Variants in ATG4B observed in about 807,000 individuals in gnomAD.
ATG4B encodes autophagy related 4B cysteine peptidase, also known as cysteine protease ATG4B.
Under a neutral mutation model 56.6 loss-of-function variants are expected in ATG4B, and 29 were observed. The observed-to-expected ratio is 0.51, with a 90% CI of 0.38 to 0.70. The LOEUF (loss-of-function observed/expected upper bound fraction) is 0.70. Among genes scored for constraint, ATG4B ranks in the 30% least tolerant of loss-of-function variants. The pLI, the probability that ATG4B is intolerant of heterozygous loss-of-function variation, is 0.00. For missense variants in ATG4B, 461 were observed against 515.5 expected (o/e 0.89, Z 1.02); for synonymous variants, 224 against 206.1 (o/e 1.09, Z -0.74).
chr2:241,668,513 A>G lies in ATG4B; in HGVS notation c.812-27A>G, dbSNP rs1422992041. ...CTTTCCTCTGCCGGCTCGGCCACCC[A>G]CCTGCCCACCTGCCTCATCCTCCCA... On this transcript the variant is annotated intron_variant, in intron 9 of 12. Coordinates refer to ENST00000404914, the MANE Select transcript of ATG4B (RefSeq NM_013325.5). The surrounding 1 kb of genome is among the most constrained non-coding windows in gnomAD (Gnocchi z 4.2). The G allele has an allele frequency of 3.8e-6, 6 of 1,599,538 alleles. No individual in the cohort carries two copies. Among genetic ancestry groups the G allele is most frequent in the East Asian group, 4.5e-5 (2 of 44,348 alleles).
intron 7 of ATG4B, among the ~76,000 whole-genome samples, chr2:241,665,424 G>A (rs1005490658): frequency 1.3e-5 from 2 of 152,230 alleles, no homozygotes; most frequent in Non-Finnish European, 2.9e-5. Flanking sequence ...TTGAGGGTCC[G>A]GTGCTGTGTG....
At chr2:241,637,947 C>T (rs1246683129) in intron 1 of ATG4B, among the ~76,000 whole-genome samples, 1 of 151,556 alleles carries the variant, frequency 6.6e-6, no homozygotes, top group African/African-American at 2.4e-5. Flanking sequence ...AACCCGCCGT[C>T]GGTTGCGCTG....
rs1297451770 is a variant in ATG4B at position 241,651,275 on chromosome 2, A to T, written c.124A>T (p.Ile42Phe). The T allele has an allele frequency of 1.9e-6, 3 of 1,600,536 alleles. No homozygotes were observed. The highest frequency in any genetic ancestry group is 1.3e-5 in the African/African-American group (1 of 74,822). Reference protein sequence around the residue: ...KYSIFTEKDEILSDVASRLWF... With the variant: ...KYSIFTEKDEFLSDVASRLWF... ...TAAACAACCTCTAGAAAAGGACGAG[A>T]TCTTGTCTGATGTGGCATCTAGACT... Residue 42 changes from isoleucine to phenylalanine, a missense_variant, in exon 3 of 13, where the codon ATC becomes TTC. Ile to Phe is a conservative substitution (Grantham distance 21, BLOSUM62 0). Transcript: ENST00000404914. This position sits in a 1 kb window ranked among gnomAD's most constrained non-coding sequence, Gnocchi z 4.1.
intron 1 of ATG4B, among the ~76,000 whole-genome samples, chr2:241,650,250 G>C (rs2068189254): frequency 6.6e-6 from 1 of 152,204 alleles, no homozygotes; most frequent in African/African-American, 2.4e-5. Flanking sequence ...AATGAAAACA[G>C]GTTCAGTCCT....
At chr2:241,657,142 A>G (rs1028951755) in intron 6 of ATG4B, among the ~76,000 whole-genome samples, 8 of 147,180 alleles carry the variant, frequency 5.4e-5, no homozygotes, top group African/African-American at 2.0e-4. Context: ...TGCCCAGCTA[A>G]TTTTTTCAAT....
intron 8 of ATG4B, among the ~76,000 whole-genome samples, chr2:241,667,190 C>T (rs975391191): frequency 6.6e-6 from 1 of 152,186 alleles, no homozygotes; most frequent in East Asian, 1.9e-4. Context: ...TCCCCCACAG[C>T]CCTCTTGGCC....
chr2:241,650,363 T>G (rs890804798), intron 1 of ATG4B, among the ~76,000 whole-genome samples: 6 of 152,124 alleles, frequency 3.9e-5, no homozygotes, highest in African/African-American at 1.4e-4. Flanking sequence ...TAGCACCCCA[T>G]GCTTCTCCAG....
chr2:241,671,154 G>C (rs1049171464), intron 11 of ATG4B, among the ~76,000 whole-genome samples, 158 bp from the exon 12 acceptor site: 1 of 152,222 alleles, frequency 6.6e-6, no homozygotes, highest in African/African-American at 2.4e-5. Flanking sequence ...CACCACACTG[G>C]GTTCTCGTGT....
chr2:241,639,641 G>T (rs1249153020), intron 1 of ATG4B, among the ~76,000 whole-genome samples: 1 of 152,234 alleles, frequency 6.6e-6, no homozygotes, highest in Non-Finnish European at 1.5e-5. Flanking sequence ...CCCCTCAGCA[G>T]AGAGGGGACT....
chr2:241,646,085 T>C (rs562756844), intron 1 of ATG4B, among the ~76,000 whole-genome samples: 8 of 152,330 alleles, frequency 5.3e-5, no homozygotes, highest in African/African-American at 1.9e-4. Flanking sequence ...TTCACAGTTA[T>C]AGCTGGAGGT....
chr2:241,659,659 C>A (rs35263340), intron 7 of ATG4B: 1 of 289,598 alleles, frequency 3.5e-6, no homozygotes, highest in Non-Finnish European at 6.8e-6. Flanking sequence ...GGCGTGGCAA[C>A]ATTTACATCT....
chr2:241,643,485 G>A (rs888496091), intron 1 of ATG4B, among the ~76,000 whole-genome samples: 1 of 150,784 alleles, frequency 6.6e-6, no homozygotes, highest in African/African-American at 2.4e-5. Flanking sequence ...GGGATTACAG[G>A]CATGAGCCAC....
At chr2:241,649,569 A>G (rs2068167026) in intron 1 of ATG4B, among the ~76,000 whole-genome samples, 3 of 152,322 alleles carry the variant, frequency 2.0e-5, no homozygotes, top group Non-Finnish European at 4.4e-5. Context: ...AGTTCCCTGA[A>G]GAGCAGCTGG....
Position 241,668,598 on chromosome 2 carries a change from T to C in ATG4B, c.870T>C (p.Asp290=), listed in dbSNP as rs1301177887. The change falls in exon 10 of 13, where the codon GAT becomes GAC. Residue 290 remains aspartate, a synonymous_variant. Transcript: ENST00000404914. The surrounding 1 kb of genome is among the most constrained non-coding windows in gnomAD (Gnocchi z 4.2). ...CGCAGCCAGCCGTGGAGCCCACTGA[T>C]GGCTGCTTCATCCCGGACGAGAGCT... ...HTTQPAVEPT[D]GCFIPDESFH... 6.2e-7 allele frequency: 1 copy of C among 1,604,410 alleles called. No individual in the cohort carries two copies. The highest frequency in any genetic ancestry group is 1.1e-5 in the South Asian group (1 of 89,408).
intron 1 of ATG4B, among the ~76,000 whole-genome samples, chr2:241,642,969 G>A (rs148446888): frequency 2.2e-5 from 3 of 139,288 alleles, no homozygotes; most frequent in Non-Finnish European, 3.0e-5. Context: ...TGCAGCCTTC[G>A]CCTCCTGGGT....
chr2:241,649,124 C>T (rs1227849526), intron 1 of ATG4B, among the ~76,000 whole-genome samples: 1 of 152,190 alleles, frequency 6.6e-6, no homozygotes, highest in Non-Finnish European at 1.5e-5. Flanking sequence ...TACAGTTTAC[C>T]AGTACCCAAG....
At position 241,671,829 on chromosome 2, in the gene ATG4B, G is replaced by C. The variant is rs534413815; in HGVS notation, c.1109-362G>C. 7 of 1,275,160 alleles carry C rather than the reference G, an allele frequency of 5.5e-6. No individual in the cohort carries two copies. In the South Asian group the frequency reaches 8.4e-5, roughly 15 times the overall value. 79.0% of individuals were successfully genotyped at this position (1,275,160 alleles called of 1,614,324 possible). On this transcript the variant is annotated intron_variant, in intron 12 of 12. Transcript: ENST00000404914. ...CCGGCCTGGGCTCGTGCAGTGAAGT[G>C]AGTGGCCGTGAGCGCGTCCTCCTCA...
In ATG4B at chr2:241,666,701, T is replaced by C. The variant is rs2068786885; in HGVS notation, c.595T>C (p.Ser199Pro). 1.1e-5 allele frequency: 17 copies of C among 1,613,184 alleles called. No individual in the cohort carries two copies. Among genetic ancestry groups the C allele is most frequent in the Non-Finnish European group, 1.4e-5 (17 of 1,179,658 alleles). ...CAGATAFPAD[S>P]DRHCNGFPAG... ...AGGCGCCACTGCGTTTCCTGCAGAT[T>C]CCGACCGGCACTGCAACGGATTCCC... Residue 199 changes from serine (S) to proline (P), a missense_variant, in exon 8 of 13, where the codon TCC (serine) becomes CCC (proline). Ser to Pro is a moderately conservative substitution (Grantham distance 74). Transcript: ENST00000404914.
intron 10 of ATG4B, among the ~76,000 whole-genome samples, chr2:241,670,118 T>A (rs2068915319): frequency 6.6e-6 from 1 of 152,198 alleles, no homozygotes; most frequent in Admixed American, 6.5e-5. Context: ...GAGTGCCCAG[T>A]TTGAGCTTCT....
Sources: gnomAD v4.1 joint callset for allele counts (sites outside exome capture counted in the v4.1 genomes callset) on GRCh38, gnomAD v4.1.1 for gene constraint, Gnocchi (gnomAD v3.1) non-coding constraint, MANE v1.5 for transcripts, NCBI Gene and HGNC (gene_info 2026-07-23, HGNC 2026-07-21) for gene names.